Variants in DLC1 observed in about 807,000 individuals in gnomAD.
The protein encoded by DLC1 is DLC1 Rho GTPase activating protein, also known as rho GTPase-activating protein 7.
In DLC1, 54 loss-of-function variants were observed where a neutral mutation model predicts 140.3. The ratio of observed to expected loss-of-function variants is 0.38; its 90% CI spans 0.31 to 0.48. The LOEUF (loss-of-function observed/expected upper bound fraction) is 0.48, where lower values mean the gene tolerates loss of function less well. DLC1 is among the 20% of genes least tolerant of loss of function. The pLI, the probability that DLC1 is intolerant of heterozygous loss-of-function variation, is 0.96. For synonymous variants in DLC1, 986 were observed against 728.1 expected, an observed-to-expected ratio of 1.35 and a Z score of -5.70; for missense variants, 2,536 against 1,907.0, an observed-to-expected ratio of 1.33 and a Z score of -6.14.
chr8:13,535,750 C>T (rs1293874446), intron 1 of DLC1, among the ~76,000 whole-genome samples: 1 of 149,810 alleles, frequency 6.7e-6, no homozygotes, highest in Non-Finnish European at 1.5e-5. Context: ...AGATTATCAT[C>T]TAAGTCATTA....
chr8:13,088,104 A>T (rs1241703509), intron 16 of DLC1, among the ~76,000 whole-genome samples: 1 of 152,190 alleles, frequency 6.6e-6, no homozygotes, highest in Non-Finnish European at 1.5e-5. Flanking sequence ...ATTCAGAAAT[A>T]AGGTCTTGCT....
intron 5 of DLC1, among the ~76,000 whole-genome samples, chr8:13,158,133 C>T (rs1013781502): frequency 6.6e-6 from 1 of 152,052 alleles, no homozygotes; most frequent in Non-Finnish European, 1.5e-5. Flanking sequence ...TTTATTGGTT[C>T]ATCTGTGTGT....
chr8:13,324,976 T>C (rs1159343776), intron 4 of DLC1, among the ~76,000 whole-genome samples: 2 of 152,236 alleles, frequency 1.3e-5, no homozygotes, highest in African/African-American at 4.8e-5. Flanking sequence ...TTAGTTTGTT[T>C]GTGTTTTAAA....
rs1246212836 is a variant in DLC1, at chr8:13,304,718, C to T, written c.1348+551G>A. 4.2e-6 allele frequency: 4 copies of T among 961,610 alleles called. No individual in the cohort carries two copies. The African/African-American group carries it at 7.1e-5, about 17-fold the overall frequency. 59.6% of individuals were successfully genotyped at this position (961,610 alleles called of 1,614,324 possible). A position where few individuals can be genotyped will look rare whatever the true frequency, so the allele number is the denominator to read the frequency against. On this transcript the variant is annotated intron_variant, in intron 5 of 17. Coordinates refer to ENST00000276297, the MANE Select transcript of DLC1 (RefSeq NM_182643.3). ...ATCTACCAATCCATGTCTAATTTTT[C>T]ATATTTTCATTTCTCATCAGTCCTT...
At chr8:13,102,944 A>G in intron 7 of DLC1, 91 bp from the exon 8 acceptor site, 1 of 1,140,498 alleles carries the variant, frequency 8.8e-7, no homozygotes, top group Admixed American at 2.1e-5. Flanking sequence ...CATATATTTA[A>G]GGAGTTTCTT....
At chr8:13,500,741 G>T (rs1403358468) in intron 1 of DLC1, among the ~76,000 whole-genome samples, 1 of 152,134 alleles carries the variant, frequency 6.6e-6, no homozygotes, top group East Asian at 1.9e-4. Context: ...TTACTCCAGG[G>T]AATGACTAAG....
intron 4 of DLC1, among the ~76,000 whole-genome samples, chr8:13,308,945 C>T (rs1417259218): frequency 3.3e-5 from 5 of 152,172 alleles, no homozygotes; most frequent in Admixed American, 2.6e-4. Flanking sequence ...TCAGAAATAA[C>T]ATTTCACACA....
intron 1 of DLC1, among the ~76,000 whole-genome samples, chr8:13,587,105 C>CACACACACACACACACAT (rs879540746): frequency 1.1e-4 from 17 of 150,236 alleles, no homozygotes; most frequent in Admixed American, 7.3e-4. Flanking sequence ...CACACACACA[C>CACACACACACACACACAT]ATTCATGCAT....
intron 5 of DLC1, among the ~76,000 whole-genome samples, chr8:13,170,696 C>T (rs981273239): frequency 6.8e-6 from 1 of 146,636 alleles, no homozygotes; most frequent in Non-Finnish European, 1.5e-5. Flanking sequence ...CGCCACTGCA[C>T]TCCAGCCTGG....
intron 2 of DLC1, among the ~76,000 whole-genome samples, chr8:13,413,029 C>T (rs1410917300): frequency 6.6e-6 from 1 of 151,942 alleles, no homozygotes; most frequent in African/African-American, 2.4e-5. Context: ...CTATCAGCCC[C>T]CACTCAGCAC....
chr8:13,518,632 A>G (rs1802669427), upstream of DLC1, among the ~76,000 whole-genome samples: 1 of 152,244 alleles, frequency 6.6e-6, no homozygotes, highest in African/African-American at 2.4e-5. Context: ...AACATCATTA[A>G]TTCAGTCACA....
chr8:13,583,614 T>C (rs1197265082), intron 1 of DLC1, among the ~76,000 whole-genome samples: 1 of 152,226 alleles, frequency 6.6e-6, no homozygotes, highest in Non-Finnish European at 1.5e-5. Context: ...TGAAGCACTA[T>C]AAAACAAGGT....
intron 2 of DLC1, among the ~76,000 whole-genome samples, chr8:13,428,844 A>G (rs1240402586): frequency 6.6e-6 from 1 of 152,212 alleles, no homozygotes; most frequent in Non-Finnish European, 1.5e-5. Context: ...CGTAGAACTA[A>G]TTCTTCAAAG....
At chr8:13,572,338 C>T (rs1804689565) in intron 1 of DLC1, among the ~76,000 whole-genome samples, 1 of 152,092 alleles carries the variant, frequency 6.6e-6, no homozygotes, top group South Asian at 2.1e-4. Context: ...ATCCACCTGC[C>T]TTGGTGTCCC....
At position 13,589,245 on chromosome 8, in the gene DLC1, A is replaced by G. The variant is rs375972059; in HGVS notation, c.-126+15292T>C. Among the ~76,000 whole-genome samples the G allele has an allele frequency of 3.9e-5, 6 of 152,086 alleles. No homozygotes were observed. In the East Asian group the frequency reaches 1.2e-3, roughly 29 times the overall value. On this transcript the variant is annotated intron_variant, in intron 1 of 1. Transcript: ENST00000631382. ...TTATGTATGCTTTTTTAATGTTATA[A>G]TAGAACTGAGATCTTTGTATTTTAT...
chr8:13,492,970 C>A (rs375692374), intron 2 of DLC1, among the ~76,000 whole-genome samples: 2 of 152,098 alleles, frequency 1.3e-5, no homozygotes, highest in East Asian at 1.9e-4. Context: ...AAGCTATTTA[C>A]AAAGCTATTG....
intron 5 of DLC1, among the ~76,000 whole-genome samples, chr8:13,243,595 C>T (rs1829633742): frequency 6.6e-6 from 1 of 152,168 alleles, no homozygotes; most frequent in African/African-American, 2.4e-5. Context: ...ACTTGCATGA[C>T]ACTAACAGAG....
At chr8:13,258,790 A>T (rs1830361659) in intron 5 of DLC1, among the ~76,000 whole-genome samples, 1 of 151,964 alleles carries the variant, frequency 6.6e-6, no homozygotes, top group African/African-American at 2.4e-5. Flanking sequence ...TGGGTGGGAG[A>T]CTGTCTGGAG....
chr8:13,534,383 G>C (rs139702781), intron 1 of DLC1, among the ~76,000 whole-genome samples: 1 of 151,990 alleles, frequency 6.6e-6, no homozygotes, highest in Admixed American at 6.5e-5. Flanking sequence ...CACACCCCTC[G>C]CTAACTGTAA....
Sources: allele counts gnomAD v4.1 joint callset (sites outside exome capture counted in the v4.1 genomes callset), GRCh38; gene constraint gnomAD v4.1.1; transcripts MANE v1.5; gene names NCBI Gene and HGNC (gene_info 2026-07-23, HGNC 2026-07-21).